Variants in GRK5 observed in about 807,000 individuals in gnomAD.
GRK5 encodes g protein-coupled receptor kinase GRK5.
A neutral mutation model predicts 78.4 loss-of-function variants in GRK5; 40 were observed. The ratio of observed to expected loss-of-function variants is 0.51; its 90% confidence interval spans 0.40 to 0.66. The LOEUF (loss-of-function observed/expected upper bound fraction) is 0.66, where lower values mean the gene tolerates loss of function less well. Ranked by LOEUF, GRK5 falls within the 30% of genes least tolerant of loss-of-function variation. The pLI is 0.00. For missense variants in GRK5, 598 were observed against 759.9 expected (o/e 0.79, Z 2.50); for synonymous variants, 289 against 296.8 (o/e 0.97, Z 0.27).
chr10:119,452,568 C>T lies in GRK5; in HGVS notation c.1405-103C>T. 2 of 1,383,144 alleles carry T rather than the reference C, an allele frequency of 1.4e-6. No homozygotes were observed. Among genetic ancestry groups the T allele is most frequent in the South Asian group, 1.3e-5 (1 of 77,052 alleles). 85.7% of individuals were successfully genotyped at this position (1,383,144 alleles called of 1,614,324 possible). ...ACCCATAGCAGTTCTGGGGGTGTGT[C>T]CTGGGAAGACTCCCTTCTGCTCCCC... On this transcript the variant is annotated intron_variant, in intron 13 of 15. Coordinates refer to ENST00000392870, the MANE Select transcript of GRK5 (RefSeq NM_005308.3). The surrounding 1 kb of genome is among the most constrained non-coding windows in gnomAD (Gnocchi z 4.4).
chr10:119,354,532 T>C (rs960957396), intron 2 of GRK5, among the ~76,000 whole-genome samples: 1 of 151,052 alleles, frequency 6.6e-6, no homozygotes, highest in African/African-American at 2.4e-5. Context: ...CTCCTGAGTA[T>C]CTGGGGCTAC....
chr10:119,266,346 A>G (rs937710125), intron 1 of GRK5, among the ~76,000 whole-genome samples: 4 of 151,514 alleles, frequency 2.6e-5, no homozygotes, highest in Non-Finnish European at 5.9e-5. Flanking sequence ...AATCCCAGCT[A>G]CTCGGGAGGC....
At chr10:119,214,667 G>A (rs887855611) in intron 1 of GRK5, among the ~76,000 whole-genome samples, 2 of 151,970 alleles carry the variant, frequency 1.3e-5, no homozygotes, top group South Asian at 2.1e-4. Context: ...CTATAGGCTC[G>A]TGCCAACATG....
At position 119,431,702 on chromosome 10, in the gene GRK5, A is replaced by C. The variant is rs1256559892; in HGVS notation, c.738+175A>C. The stretch of plus-strand genomic sequence containing the variant: ...AAGACATTCCTCCATCACACGGCCC[A>C]TTGTGGTCGACTGTGGCTGGCTTTG... On this transcript the variant is annotated intron_variant, in intron 8 of 15. Coordinates refer to ENST00000392870, the MANE Select transcript of GRK5 (RefSeq NM_005308.3). The surrounding 1 kb of genome is among the most constrained non-coding windows in gnomAD (Gnocchi z 4.8). Among the ~76,000 whole-genome samples the C allele has an allele frequency of 6.6e-6, 1 of 152,212 alleles. No homozygotes were observed. Among genetic ancestry groups the C allele is most frequent in the East Asian group, 1.9e-4 (1 of 5,196 alleles).
chr10:119,274,916 T>G lies in GRK5; in HGVS notation c.53-51600T>G, dbSNP rs374547673. On this transcript the variant is annotated intron_variant, in intron 1 of 15. Transcript: ENST00000392870. ...GAGTTGCTGTGCAAACAAAGACCCT[T>G]TTAGTTTAAACCTTCTTGGAGACAG... Among the ~76,000 whole-genome samples the G allele has an allele frequency of 7.2e-5, 11 of 152,136 alleles. No homozygotes were observed. In the East Asian group the frequency reaches 1.3e-3, roughly 19 times the overall value.
chr10:119,246,528 T>G (rs1483715665), intron 1 of GRK5, among the ~76,000 whole-genome samples: 5 of 152,288 alleles, frequency 3.3e-5, no homozygotes, highest in African/African-American at 7.2e-5. Context: ...TTGGAAAACA[T>G]AAAATTGATC....
chr10:119,294,801 T>C (rs1412402654), intron 1 of GRK5, among the ~76,000 whole-genome samples: 1 of 152,190 alleles, frequency 6.6e-6, no homozygotes, highest in Non-Finnish European at 1.5e-5. Context: ...ATATTGCCTA[T>C]GGCTGTTTTG....
chr10:119,326,108 CCA>C (rs1850672875), intron 1 of GRK5, among the ~76,000 whole-genome samples: 1 of 152,260 alleles, frequency 6.6e-6, no homozygotes, highest in South Asian at 2.1e-4. Flanking sequence ...AAAACGAGGG[CCA>C]TGAGGGGCCA....
chr10:119,361,991 G>C lies in GRK5; in HGVS notation c.149-18824G>C, dbSNP rs546792050. On this transcript the variant is annotated intron_variant, in intron 2 of 15. Coordinates refer to ENST00000392870, the MANE Select transcript of GRK5 (RefSeq NM_005308.3). ...AAAAAAAAAAAAAAAAAAAAAAAAA[G>C]AATTGAAAGGCAGCCTTGACCTTAG... 1.8e-4 allele frequency among the ~76,000 whole-genome samples: 25 copies of C among 141,142 alleles called. No homozygotes were observed. The South Asian group carries it at 5.0e-3, about 28-fold the overall frequency. The allele number at this position is 141,142 out of a possible 152,430, so 92.6% of individuals were successfully genotyped here. A position where few individuals can be genotyped will look rare whatever the true frequency, so the allele number is the denominator to read the frequency against.
In GRK5 at chr10:119,386,602, T is replaced by C. The variant is rs180810284; in HGVS notation, c.261+5675T>C. On this transcript the variant is annotated intron_variant, in intron 3 of 15. Transcript: ENST00000392870. ...CGTCAAATGCTCTTCACATCTACCC[T>C]AATGAAGCTGCCACTCACGAGGGGC... Among the ~76,000 whole-genome samples, 67 of 152,308 alleles carry C rather than the reference T, an allele frequency of 4.4e-4. 2 individuals are homozygous for C. In the East Asian group the frequency reaches 0.01, roughly 23 times the overall value.
At chr10:119,335,650 A>G (rs1850872050) in intron 2 of GRK5, among the ~76,000 whole-genome samples, 4 of 152,270 alleles carry the variant, frequency 2.6e-5, no homozygotes, top group Admixed American at 2.6e-4. Flanking sequence ...GGCGTGAGCC[A>G]CTGCGCCCAG....
chr10:119,249,902 AC>A (rs1849174564), intron 1 of GRK5, among the ~76,000 whole-genome samples: 1 of 152,262 alleles, frequency 6.6e-6, no homozygotes, highest in Admixed American at 6.5e-5. Flanking sequence ...TGTCACAGAT[AC>A]CTGGCAGTGG....
intron 1 of GRK5, among the ~76,000 whole-genome samples, chr10:119,313,127 GA>G (rs1226313132): frequency 3.1e-4 from 47 of 151,542 alleles, no homozygotes; most frequent in Non-Finnish European, 5.8e-4. Context: ...TGATGGTGAT[GA>G]TGGTAATGAT....
At chr10:119,448,019 G>A in intron 12 of GRK5, 104 bp from the exon 13 acceptor site, 1 of 1,351,378 alleles carries the variant, frequency 7.4e-7, no homozygotes, top group Non-Finnish European at 9.8e-7. Context: ...GGGTGGGGCA[G>A]CGTGTCTTGG....
chr10:119,379,038 C>T lies in GRK5; in HGVS notation c.149-1777C>T, dbSNP rs771166030. On this transcript the variant is annotated intron_variant, in intron 2 of 15. Coordinates refer to ENST00000392870, the MANE Select transcript of GRK5 (RefSeq NM_005308.3). The surrounding 1 kb of genome is among the most constrained non-coding windows in gnomAD (Gnocchi z 4.1). ...CGTAGCATGGGAGGCGTCAGCTCCC[C>T]TTTTAGATTCAGAGGCTTGGGTTGA... Among the ~76,000 whole-genome samples the T allele has an allele frequency of 3.5e-4, 54 of 152,202 alleles. No homozygotes were observed. Among genetic ancestry groups the T allele is most frequent in the Non-Finnish European group, 6.9e-4 (47 of 68,034 alleles).
chr10:119,326,013 C>T (rs963104252), intron 1 of GRK5, among the ~76,000 whole-genome samples: 2 of 152,210 alleles, frequency 1.3e-5, no homozygotes, highest in African/African-American at 4.8e-5. Context: ...GAAGGCGGTA[C>T]TTGACAAGTG....
chr10:119,226,068 C>G (rs55952039), intron 1 of GRK5, among the ~76,000 whole-genome samples: 28,870 of 151,612 alleles, frequency 0.19, 3,609 homozygotes, highest in African/African-American at 0.36. Context: ...AGGATGGTCT[C>G]GATCTCCCGA....
intron 2 of GRK5, among the ~76,000 whole-genome samples, chr10:119,358,157 C>A (rs890208179): frequency 2.6e-5 from 4 of 152,074 alleles, no homozygotes; most frequent in Non-Finnish European, 4.4e-5. Context: ...GTTCCTGGAG[C>A]ACGAGTGAGA....
intron 1 of GRK5, among the ~76,000 whole-genome samples, chr10:119,260,245 C>T (rs953642393): frequency 7.9e-5 from 12 of 152,308 alleles, no homozygotes; most frequent in African/African-American, 2.9e-4. Context: ...TCGTGATCCA[C>T]CCGCCTCGGC....
Sources: allele counts gnomAD v4.1 joint callset (sites outside exome capture counted in the v4.1 genomes callset), GRCh38; gene constraint gnomAD v4.1.1; non-coding constraint Gnocchi (gnomAD v3.1); transcripts MANE v1.5; gene names NCBI Gene and HGNC (gene_info 2026-07-23, HGNC 2026-07-21).